RARB: variants seen among roughly 807,000 people sequenced by gnomAD.
RARB encodes HBV-activated protein.
RARB carries 17 observed loss-of-function variants against 51.9 expected under a neutral mutation model. The observed-to-expected ratio is 0.33, with a 90% CI of 0.22 to 0.49. RARB has a LOEUF of 0.49. Ranked by LOEUF, RARB falls within the 20% of genes least tolerant of loss-of-function variation. RARB has a pLI of 0.99. For missense variants in RARB, 369 were observed against 550.8 expected, an observed-to-expected ratio of 0.67 and a Z score of 3.30; for synonymous variants, 215 against 195.4, an observed-to-expected ratio of 1.10 and a Z score of -0.84.
chr3:25,510,134 T>A (rs1336675037), intron 3 of RARB, among the ~76,000 whole-genome samples: 5 of 152,308 alleles, frequency 3.3e-5, no homozygotes, highest in African/African-American at 1.2e-4. Flanking sequence ...CATATTCTGA[T>A]TCAGTTTCCT....
At chr3:25,157,391 G>T (rs1485093095) in intron 4 of RARB, among the ~76,000 whole-genome samples, 3 of 102,954 alleles carry the variant, frequency 2.9e-5, no homozygotes, top group African/African-American at 7.6e-5. Flanking sequence ...TATATATATG[G>T]TTTTTTTTGT....
intron 5 of RARB, among the ~76,000 whole-genome samples, chr3:25,414,128 A>G (rs1273464459): frequency 6.6e-6 from 1 of 152,098 alleles, no homozygotes; most frequent in African/African-American, 2.4e-5. Context: ...CACATATATT[A>G]GATTGCATTT....
At chr3:24,932,900 T>G (rs1695471306) in intron 2 of RARB, among the ~76,000 whole-genome samples, 2 of 152,210 alleles carry the variant, frequency 1.3e-5, no homozygotes, top group East Asian at 3.9e-4. Flanking sequence ...AATTAATGAT[T>G]ATGGAAGAGA....
At chr3:25,094,359 G>A (rs1406026049) in intron 3 of RARB, among the ~76,000 whole-genome samples, 1 of 151,916 alleles carries the variant, frequency 6.6e-6, no homozygotes, top group African/African-American at 2.4e-5. Context: ...CTATGTCCTG[G>A]GCAAATAGCA....
chr3:25,559,652 A>G (rs1700194564), intron 3 of RARB, among the ~76,000 whole-genome samples: 1 of 152,212 alleles, frequency 6.6e-6, no homozygotes, highest in Admixed American at 6.5e-5. Flanking sequence ...AGATGGATAT[A>G]TGGTTGGATG....
chr3:25,453,049 T>C (rs1033434054), intron 1 of RARB, among the ~76,000 whole-genome samples: 1 of 152,160 alleles, frequency 6.6e-6, no homozygotes, highest in Non-Finnish European at 1.5e-5. Context: ...AGTAAGGACC[T>C]GTGCAAAGGG....
At chr3:25,106,106 G>A (rs562863083) in intron 3 of RARB, among the ~76,000 whole-genome samples, 3 of 152,140 alleles carry the variant, frequency 2.0e-5, no homozygotes, top group African/African-American at 7.2e-5. Context: ...ATTCACATCA[G>A]CTGAAGAGGT....
intron 5 of RARB, among the ~76,000 whole-genome samples, chr3:25,238,150 G>A (rs322719): frequency 7.9e-5 from 12 of 151,668 alleles, no homozygotes; most frequent in South Asian, 2.1e-4. Context: ...ATCCTCCAGC[G>A]CCCCCCCACA....
intron 2 of RARB, among the ~76,000 whole-genome samples, chr3:24,950,386 G>T (rs1350425573): frequency 6.6e-6 from 1 of 152,120 alleles, no homozygotes; most frequent in Non-Finnish European, 1.5e-5. Flanking sequence ...TCCATATGAT[G>T]GGGCACATTA....
intron 5 of RARB, among the ~76,000 whole-genome samples, chr3:25,363,723 A>G (rs1706024946): frequency 6.6e-6 from 1 of 152,094 alleles, no homozygotes; most frequent in Admixed American, 6.6e-5. Context: ...TCACAGCACA[A>G]CACAGATCAG....
chr3:25,001,084 C>T (rs1697149389), intron 2 of RARB, among the ~76,000 whole-genome samples: 1 of 151,978 alleles, frequency 6.6e-6, no homozygotes, highest in South Asian at 2.1e-4. Context: ...TACTGTAATG[C>T]TGTGTCAAAT....
intron 2 of RARB, among the ~76,000 whole-genome samples, chr3:24,993,436 G>T (rs1178530264): frequency 6.6e-6 from 1 of 151,964 alleles, no homozygotes; most frequent in Non-Finnish European, 1.5e-5. Context: ...AATAACAATT[G>T]TACATATTTA....
At chr3:25,456,682 T>TATATATAGAGAGAG (rs1491372969) in intron 1 of RARB, among the ~76,000 whole-genome samples, 6 of 88,394 alleles carry the variant, frequency 6.8e-5, no homozygotes, top group Admixed American at 2.4e-4. Context: ...TATATATATA[T>TATATATAGAGAGAG]AGAGAGAGAG....
At chr3:25,293,594 AT>A (rs1703840792) in intron 5 of RARB, among the ~76,000 whole-genome samples, 1 of 127,506 alleles carries the variant, frequency 7.8e-6, no homozygotes, top group Non-Finnish European at 1.6e-5. Context: ...GAGTTACTCC[AT>A]TTAAAAAAAA....
At chr3:25,325,797 G>A (rs116071772) in intron 5 of RARB, among the ~76,000 whole-genome samples, 3,258 of 131,354 alleles carry the variant, frequency 0.025, 127 homozygotes, top group African/African-American at 0.079. Context: ...GTTGTTGGGG[G>A]AAGCCAAAAA....
At chr3:25,201,910 T>C (rs1482731596) in intron 5 of RARB, among the ~76,000 whole-genome samples, 1 of 38,802 alleles carries the variant, frequency 2.6e-5, no homozygotes, top group African/African-American at 1.7e-4. Context: ...GTTGTGTTTC[T>C]TTCTGCCAGG....
At chr3:25,233,251 A>G (rs929441250) in intron 5 of RARB, among the ~76,000 whole-genome samples, 1 of 151,734 alleles carries the variant, frequency 6.6e-6, no homozygotes, top group African/African-American at 2.4e-5. Flanking sequence ...GAGCCACAGC[A>G]CCCAGCCATT....
chr3:24,865,780 T>C (rs1027682130), intron 2 of RARB, among the ~76,000 whole-genome samples: 1 of 152,200 alleles, frequency 6.6e-6, no homozygotes, highest in Non-Finnish European at 1.5e-5. Context: ...TCTTACTGAA[T>C]ATTGTCTATT....
At chr3:24,939,666 G>A (rs910903082) in intron 2 of RARB, among the ~76,000 whole-genome samples, 2 of 152,080 alleles carry the variant, frequency 1.3e-5, no homozygotes, top group African/African-American at 4.8e-5. Context: ...AACTGTTCTG[G>A]TGATGAGTTT....
Sources: allele counts gnomAD v4.1 joint callset (sites outside exome capture counted in the v4.1 genomes callset), GRCh38; gene constraint gnomAD v4.1.1; transcripts MANE v1.5; gene names NCBI Gene and HGNC (gene_info 2026-07-23, HGNC 2026-07-21).